The following PEX7 variants were observed in gnomAD, a reference collection of about 807,000 sequenced individuals.
PEX7 encodes the protein PTS2 receptor.
Under a neutral mutation model 47.5 loss-of-function variants are expected in PEX7, and 34 were observed. The ratio of observed to expected loss-of-function variants is 0.72; its 90% CI spans 0.54 to 0.95. The LOEUF is 0.95. Among genes scored for constraint, PEX7 ranks in the 40% least tolerant of loss-of-function variants. The pLI is 0.00. For synonymous variants in PEX7, 141 were observed against 148.8 expected, an observed-to-expected ratio of 0.95 and a Z score of 0.38; for missense variants, 394 against 400.3, an observed-to-expected ratio of 0.98 and a Z score of 0.13.
intron 3 of PEX7, among the ~76,000 whole-genome samples, chr6:136,834,256 A>G (rs9483951): frequency 2.6e-4 from 39 of 152,300 alleles, no homozygotes; most frequent in African/African-American, 9.1e-4. Context: ...CAGTGGCACA[A>G]TCTCAGTTCA....
chr6:136,911,581 A>G (rs1775933606), intron 9 of PEX7, among the ~76,000 whole-genome samples: 1 of 151,820 alleles, frequency 6.6e-6, no homozygotes, highest in South Asian at 2.1e-4. Context: ...CATTTTATGT[A>G]TTTTAGGTAG....
chr6:136,844,905 G>T (rs376902782), intron 3 of PEX7, among the ~76,000 whole-genome samples: 4 of 152,224 alleles, frequency 2.6e-5, no homozygotes, highest in South Asian at 4.1e-4. Flanking sequence ...CCTGCTGGCT[G>T]ATCACCAATG....
At chr6:136,823,417 C>G in intron 1 of PEX7, 6 of 921,526 alleles carry the variant, frequency 6.5e-6, no homozygotes, top group Non-Finnish European at 7.8e-6. Context: ...TCTCCCGTCG[C>G]GCGCATTGGC....
At chr6:136,885,719 G>A (rs1302149838) in intron 8 of PEX7, among the ~76,000 whole-genome samples, 1 of 152,186 alleles carries the variant, frequency 6.6e-6, no homozygotes, top group Non-Finnish European at 1.5e-5. Flanking sequence ...AGTTTTGTTG[G>A]TATCGTGGGA....
chr6:136,833,058 G>A (rs899251902), intron 3 of PEX7, among the ~76,000 whole-genome samples: 1 of 152,060 alleles, frequency 6.6e-6, no homozygotes, highest in Non-Finnish European at 1.5e-5. Context: ...TCACTATCCT[G>A]GTACCAATTC....
At chr6:136,863,160 T>C (rs570533246) in intron 5 of PEX7, among the ~76,000 whole-genome samples, 2 of 152,306 alleles carry the variant, frequency 1.3e-5, no homozygotes, top group South Asian at 4.1e-4. Context: ...TTTTTCACAA[T>C]GAGATATGTT....
At position 136,866,683 on chromosome 6, in the gene PEX7, C is replaced by G; in HGVS notation, c.583C>G (p.Pro195Ala). Reference sequence around the variant, plus strand: ...GGCAGCAGGAGTAAGAATCGTGATTCCTGCACATCAGGCAGAAATCTTGAG... The same window carrying G: ...GGCAGCAGGAGTAAGAATCGTGATTGCTGCACATCAGGCAGAAATCTTGAG... Reference protein sequence around the residue: ...VKAAGVRIVIPAHQAEILSCD... With the variant: ...VKAAGVRIVIAAHQAEILSCD... Residue 195 changes from proline (P) to alanine (A), a missense_variant, in exon 6 of 10, where the codon CCT becomes GCT. Transcript: ENST00000318471. The G allele has an allele frequency of 1.2e-6, 2 of 1,613,998 alleles. No individual in the cohort carries two copies. Among genetic ancestry groups the G allele is most frequent in the Non-Finnish European group, 1.7e-6 (2 of 1,179,958 alleles).
At chr6:136,909,797 G>C (rs1390048848) in intron 9 of PEX7, among the ~76,000 whole-genome samples, 1 of 152,064 alleles carries the variant, frequency 6.6e-6, no homozygotes, top group Non-Finnish European at 1.5e-5. Flanking sequence ...CTTGACATTT[G>C]GTAGTTATTA....
intron 3 of PEX7, among the ~76,000 whole-genome samples, chr6:136,836,838 G>A (rs1179527832): frequency 3.3e-5 from 5 of 151,700 alleles, no homozygotes; most frequent in Non-Finnish European, 5.9e-5. Flanking sequence ...CTGTAATCTC[G>A]GCTACTTAGG....
At chr6:136,869,130 G>A (rs980477533) in intron 6 of PEX7, among the ~76,000 whole-genome samples, 1 of 152,150 alleles carries the variant, frequency 6.6e-6, no homozygotes, top group African/African-American at 2.4e-5. Context: ...TCTCACTGTT[G>A]CCCAGGCTGG....
rs538590808 is a variant in PEX7 at position 136,859,318 on chromosome 6, A to G, written c.527-7309A>G. Among the ~76,000 whole-genome samples the G allele has an allele frequency of 9.8e-5, 15 of 152,346 alleles. No homozygotes were observed. In the South Asian group the frequency reaches 2.5e-3, roughly 25 times the overall value. On this transcript the variant is annotated intron_variant, in intron 5 of 9. Coordinates refer to ENST00000318471, the MANE Select transcript of PEX7 (RefSeq NM_000288.4). ...TAATTCATGATAGTTGTGTTAGTAC[A>G]GACATCATATTTCTAAATTATATGA...
At chr6:136,883,180 G>A (rs1261053847) in intron 8 of PEX7, among the ~76,000 whole-genome samples, 1 of 152,148 alleles carries the variant, frequency 6.6e-6, no homozygotes, top group African/African-American at 2.4e-5. Context: ...ATGTTTCTGA[G>A]TGCCAGGTTT....
intron 1 of PEX7, chr6:136,823,227 C>T: frequency 3.0e-6 from 3 of 985,430 alleles, no homozygotes; most frequent in Non-Finnish European, 3.6e-6. Context: ...AATTCCCAGT[C>T]TGCATTCGAG....
chr6:136,908,780 T>C (rs1004439671), intron 9 of PEX7, among the ~76,000 whole-genome samples: 3 of 152,180 alleles, frequency 2.0e-5, no homozygotes, highest in African/African-American at 7.2e-5. Context: ...ATTATAACTT[T>C]TAAATTGCCT....
chr6:136,859,859 C>G (rs1040999707), intron 5 of PEX7, among the ~76,000 whole-genome samples: 2 of 151,954 alleles, frequency 1.3e-5, no homozygotes, highest in African/African-American at 4.8e-5. Flanking sequence ...CCCATCTCTA[C>G]TAAAAACTCA....
chr6:136,840,450 T>C (rs1325691984), intron 3 of PEX7, among the ~76,000 whole-genome samples: 1 of 152,116 alleles, frequency 6.6e-6, no homozygotes. Flanking sequence ...TTTTGACCTT[T>C]GGGTAGTAAG....
chr6:136,835,399 C>T (rs973286224), intron 3 of PEX7, among the ~76,000 whole-genome samples: 4 of 152,048 alleles, frequency 2.6e-5, no homozygotes, highest in African/African-American at 9.7e-5. Context: ...AGCAATTCTC[C>T]TGCCTCAGCC....
chr6:136,844,780 T>C (rs1217145327), intron 3 of PEX7, among the ~76,000 whole-genome samples: 1 of 152,114 alleles, frequency 6.6e-6, no homozygotes, highest in Admixed American at 6.5e-5. Context: ...GCCTCCAACA[T>C]GGCTCAATAT....
At chr6:136,834,446 G>C (rs1285215172) in intron 3 of PEX7, among the ~76,000 whole-genome samples, 1 of 152,134 alleles carries the variant, frequency 6.6e-6, no homozygotes, top group Non-Finnish European at 1.5e-5. Flanking sequence ...GGAACACTTG[G>C]GCTCAAGCAA....
Sources: gnomAD v4.1 joint callset for allele counts (sites outside exome capture counted in the v4.1 genomes callset) on GRCh38, gnomAD v4.1.1 for gene constraint, MANE v1.5 for transcripts, NCBI Gene and HGNC (gene_info 2026-07-23, HGNC 2026-07-21) for gene names.